Variants in SLC25A24 observed in about 807,000 individuals in gnomAD.
The protein encoded by SLC25A24 is mitochondrial adenyl nucleotide antiporter SLC25A24.
A neutral mutation model predicts 60.7 loss-of-function variants in SLC25A24; 49 were observed. The observed-to-expected ratio is 0.81, with a 90% CI of 0.64 to 1.02. The LOEUF (loss-of-function observed/expected upper bound fraction) is 1.02, where lower values mean the gene tolerates loss of function less well. Among genes scored for constraint, SLC25A24 ranks in the 50% least tolerant of loss-of-function variants. SLC25A24 has a pLI of 0.00. For synonymous variants in SLC25A24, 202 were observed against 200.6 expected, an observed-to-expected ratio of 1.01 and a Z score of -0.06; for missense variants, 564 against 586.3, an observed-to-expected ratio of 0.96 and a Z score of 0.39.
chr1:108,160,316 G>A (rs1680032116), intron 4 of SLC25A24, among the ~76,000 whole-genome samples: 1 of 150,926 alleles, frequency 6.6e-6, no homozygotes, highest in African/African-American at 2.5e-5. Flanking sequence ...TCCTAGATGG[G>A]ATGGCGGCCG....
chr1:108,164,522 A>C (rs2101621952), intron 3 of SLC25A24, among the ~76,000 whole-genome samples: 1 of 152,064 alleles, frequency 6.6e-6, no homozygotes, highest in African/African-American at 2.4e-5. Flanking sequence ...TAGTCTTGGG[A>C]GGGTGTATGT....
chr1:108,186,050 AAGACTAT>A, intron 1 of SLC25A24, 96 bp from the exon 2 acceptor site: 1 of 957,778 alleles, frequency 1.0e-6, no homozygotes, highest in South Asian at 2.0e-5. Context: ...GTTTTCCTAA[AAGACTAT>A]AGTACCTATT....
intron 1 of SLC25A24, among the ~76,000 whole-genome samples, chr1:108,189,006 A>G (rs1429962423): frequency 6.6e-6 from 1 of 152,168 alleles, no homozygotes; most frequent in East Asian, 1.9e-4. Context: ...TTACAAGTGG[A>G]GAGATTTTCA....
intron 6 of SLC25A24, among the ~76,000 whole-genome samples, chr1:108,153,689 T>C (rs1330043818): frequency 6.6e-6 from 1 of 152,056 alleles, no homozygotes; most frequent in African/African-American, 2.4e-5. Context: ...TCTAAGAAAG[T>C]TAGTGTGCAG....
intron 7 of SLC25A24, among the ~76,000 whole-genome samples, chr1:108,144,881 C>T (rs1346732663): frequency 6.6e-6 from 1 of 152,146 alleles, no homozygotes; most frequent in Non-Finnish European, 1.5e-5. Context: ...AACAGTGCTG[C>T]AATAAATATA....
At chr1:108,158,415 T>C (rs540412807) in intron 4 of SLC25A24, among the ~76,000 whole-genome samples, 1 of 152,158 alleles carries the variant, frequency 6.6e-6, no homozygotes, top group African/African-American at 2.4e-5. Flanking sequence ...CATTTTACTA[T>C]CAATAAAATG....
intron 2 of SLC25A24, 91 bp downstream of exon 2, chr1:108,185,737 C>A: frequency 1.1e-6 from 1 of 917,342 alleles, no homozygotes; most frequent in Non-Finnish European, 1.6e-6. Flanking sequence ...TCATCTAAAA[C>A]CAGAGAGATT....
At chr1:108,164,105 C>T (rs1375246020) in intron 3 of SLC25A24, among the ~76,000 whole-genome samples, 2 of 151,798 alleles carry the variant, frequency 1.3e-5, no homozygotes, top group Admixed American at 6.6e-5. Flanking sequence ...TACTGATTTG[C>T]GTATATTGAA....
chr1:108,182,370 T>C (rs575975405), intron 2 of SLC25A24, among the ~76,000 whole-genome samples: 1 of 152,298 alleles, frequency 6.6e-6, no homozygotes, highest in Non-Finnish European at 1.5e-5. Context: ...ATATTCTAAC[T>C]CCAAGATAAA....
chr1:108,169,476 G>A (rs1345633884), intron 3 of SLC25A24, among the ~76,000 whole-genome samples: 1 of 152,062 alleles, frequency 6.6e-6, no homozygotes, highest in African/African-American at 2.4e-5. Flanking sequence ...TGCATTGATT[G>A]TGGTATATTT....
chr1:108,147,040 G>C (rs1679622552), intron 7 of SLC25A24, among the ~76,000 whole-genome samples: 1 of 152,114 alleles, frequency 6.6e-6, no homozygotes, highest in Non-Finnish European at 1.5e-5. Flanking sequence ...AATCTGTCTG[G>C]TCCTGGGTTT....
At position 108,174,849 on chromosome 1, in the gene SLC25A24, C is replaced by G. The variant is rs139792778; in HGVS notation, c.398+7092G>C. Reference sequence around the variant, plus strand: ...ACTATTCCACTAGATTTCGGACTTACTTGGGGCCTGTAGCCCCTTCATTTT... The same window carrying G: ...ACTATTCCACTAGATTTCGGACTTAGTTGGGGCCTGTAGCCCCTTCATTTT... On this transcript the variant is annotated intron_variant, in intron 3 of 9. Transcript: ENST00000565488. 9.5e-4 allele frequency among the ~76,000 whole-genome samples: 144 copies of G among 152,326 alleles called. 1 individual carries two copies. The highest frequency in any genetic ancestry group is 3.4e-3 in the African/African-American group (140 of 41,576).
chr1:108,139,307 G>A (rs1679379551), intron 8 of SLC25A24, 99 bp from the exon 9 acceptor site: 2 of 1,232,682 alleles, frequency 1.6e-6, no homozygotes, highest in South Asian at 3.2e-5. Context: ...CCCCGTTTCT[G>A]CAGGATGAGG....
intron 3 of SLC25A24, among the ~76,000 whole-genome samples, chr1:108,175,056 G>T (rs1228607485): frequency 6.6e-6 from 1 of 152,148 alleles, no homozygotes; most frequent in South Asian, 2.1e-4. Flanking sequence ...AGACGCTGAG[G>T]GACTGCTGGA....
chr1:108,141,729 G>A (rs973639939), intron 8 of SLC25A24, among the ~76,000 whole-genome samples: 18 of 152,074 alleles, frequency 1.2e-4, no homozygotes, highest in African/African-American at 4.3e-4. Flanking sequence ...TGAATCATGA[G>A]GAAACTATGT....
intron 1 of SLC25A24, among the ~76,000 whole-genome samples, chr1:108,190,349 C>T (rs1225032100): frequency 6.6e-6 from 1 of 152,118 alleles, no homozygotes; most frequent in Non-Finnish European, 1.5e-5. Context: ...GGGGGGCTGT[C>T]GGTTATTAAT....
At chr1:108,161,618 A>T (rs1468024920) in intron 3 of SLC25A24, among the ~76,000 whole-genome samples, 3 of 152,352 alleles carry the variant, frequency 2.0e-5, no homozygotes, top group Admixed American at 1.3e-4. Flanking sequence ...TAATGAATAG[A>T]TTCATTATCC....
chr1:108,180,723 C>G (rs562398762), intron 3 of SLC25A24, among the ~76,000 whole-genome samples: 1 of 151,830 alleles, frequency 6.6e-6, no homozygotes, highest in East Asian at 1.9e-4. Flanking sequence ...AGAGAGCCCT[C>G]ACTACAACCC....
chr1:108,151,442 T>G (rs540653197), intron 6 of SLC25A24, among the ~76,000 whole-genome samples: 19 of 152,218 alleles, frequency 1.2e-4, no homozygotes, highest in Admixed American at 1.2e-3. Flanking sequence ...AGCTTACCTA[T>G]CTCTGGGTTG....
Sources: allele counts gnomAD v4.1 joint callset (sites outside exome capture counted in the v4.1 genomes callset), GRCh38; gene constraint gnomAD v4.1.1; transcripts MANE v1.5; gene names NCBI Gene and HGNC (gene_info 2026-07-23, HGNC 2026-07-21).